Variants in CCDC18 observed in about 807,000 individuals in gnomAD.
CCDC18 encodes the protein coiled-coil domain containing 18, also known as coiled-coil domain-containing protein 18.
In CCDC18, 157 loss-of-function variants were observed where a neutral mutation model predicts 196.0. The ratio of observed to expected loss-of-function variants is 0.80; its 90% confidence interval spans 0.70 to 0.91. CCDC18 has a LOEUF of 0.91. Ranked by LOEUF, CCDC18 falls within the 40% of genes least tolerant of loss-of-function variation. The pLI, the probability that CCDC18 is intolerant of heterozygous loss-of-function variation, is 0.00. For missense variants in CCDC18, 1,465 were observed against 1,611.6 expected, an observed-to-expected ratio of 0.91 and a Z score of 1.56; for synonymous variants, 482 against 529.2, an observed-to-expected ratio of 0.91 and a Z score of 1.22.
At chr1:93,215,046 T>A in intron 12 of CCDC18, 80 bp downstream of exon 12, 1 of 891,768 alleles carries the variant, frequency 1.1e-6, no homozygotes. Flanking sequence ...TTATAAAAAT[T>A]ATATGTTTAC....
chr1:93,270,930 G>T (rs1665204068), intron 28 of CCDC18, 116 bp downstream of exon 28: 1 of 1,387,020 alleles, frequency 7.2e-7, no homozygotes, highest in South Asian at 1.9e-5. Context: ...GAAGAAGGAA[G>T]ATTTTACATT....
At chr1:93,180,008 T>C (rs146899580), upstream of CCDC18, 886 of 1,576,886 alleles carry the variant, frequency 5.6e-4, 3 homozygotes, top group African/African-American at 0.01. Flanking sequence ...GACAACGCAG[T>C]GCAGCTGGGT....
intron 19 of CCDC18, among the ~76,000 whole-genome samples, chr1:93,237,655 A>C (rs1660242426): frequency 6.6e-6 from 1 of 152,136 alleles, no homozygotes; most frequent in South Asian, 2.1e-4. Flanking sequence ...AGTATATACT[A>C]TACTTGGTGA....
intron 18 of CCDC18, 87 bp from the exon 19 acceptor site, chr1:93,236,161 C>T: frequency 9.4e-7 from 1 of 1,066,256 alleles, no homozygotes; most frequent in Non-Finnish European, 1.3e-6. Flanking sequence ...TTTTATGATA[C>T]ATCTTGAAAC....
At chr1:93,190,649 G>C (rs529939809) in intron 4 of CCDC18, 17 of 328,646 alleles carry the variant, frequency 5.2e-5, no homozygotes, top group South Asian at 3.1e-4. Context: ...CCCCCAAACA[G>C]TATCAGTATG....
intron 23 of CCDC18, among the ~76,000 whole-genome samples, chr1:93,250,524 TA>T (rs1365461936): frequency 6.6e-6 from 1 of 152,200 alleles, no homozygotes; most frequent in East Asian, 1.9e-4. Flanking sequence ...TTGATTTTTT[TA>T]ATCTGGACAA....
intron 17 of CCDC18, among the ~76,000 whole-genome samples, chr1:93,228,922 A>ATTT (rs144431280): frequency 6.7e-6 from 1 of 149,742 alleles, no homozygotes; most frequent in African/African-American, 2.5e-5. Flanking sequence ...AAATAGAACG[A>ATTT]TTTTTTTTTT....
Position 93,186,042 on chromosome 1 carries a change from T to A in CCDC18, c.304-303T>A, listed in dbSNP as rs1394843265. Among the ~76,000 whole-genome samples the A allele has an allele frequency of 5.3e-5, 8 of 152,056 alleles. No homozygotes were observed. In the East Asian group the frequency reaches 1.3e-3, roughly 26 times the overall value. ...ACGTGAAAAAGTACAAAAGTTTTTA[T>A]CAGGTTTATGTCTAGGGATGATATT... On this transcript the variant is annotated intron_variant, in intron 3 of 28. Transcript: ENST00000690025.
At chr1:93,268,464 A>G (rs1664815600) in intron 27 of CCDC18, among the ~76,000 whole-genome samples, 1 of 152,210 alleles carries the variant, frequency 6.6e-6, no homozygotes, top group Non-Finnish European at 1.5e-5. Flanking sequence ...CTGCACAGCA[A>G]AAGAAACTAC....
rs146615338 is a variant in CCDC18 at position 93,230,582 on chromosome 1, T to G, written c.2293-1844T>G. Among the ~76,000 whole-genome samples, 877 of 152,316 alleles carry G rather than the reference T, an allele frequency of 5.8e-3. 6 individuals carry two copies. Among genetic ancestry groups the G allele is most frequent in the Non-Finnish European group, 8.5e-3 (576 of 68,008 alleles). On this transcript the variant is annotated intron_variant, in intron 17 of 28. Coordinates refer to ENST00000690025, the MANE Select transcript of CCDC18 (RefSeq NM_001378204.1). Reference sequence around the variant, plus strand: ...AGTTTGATAGATATATGTTCTATTTTGTAAATATTTGTGATAACTAATTTT... The same window carrying G: ...AGTTTGATAGATATATGTTCTATTTGGTAAATATTTGTGATAACTAATTTT...
chr1:93,270,125 T>A (rs1290256120), intron 27 of CCDC18, among the ~76,000 whole-genome samples: 1 of 152,154 alleles, frequency 6.6e-6, no homozygotes, highest in African/African-American at 2.4e-5. Flanking sequence ...TTAATGGAAT[T>A]TCTTAGAATA....
At chr1:93,183,767 G>A (rs1650154438) in intron 2 of CCDC18, among the ~76,000 whole-genome samples, 1 of 151,502 alleles carries the variant, frequency 6.6e-6, no homozygotes, top group Admixed American at 6.6e-5. Context: ...TGAATCTTAA[G>A]TAATCTTAGC....
chr1:93,271,661 C>G (rs771090736), intron 28 of CCDC18: 64 of 476,522 alleles, frequency 1.3e-4, no homozygotes, highest in Non-Finnish European at 1.7e-4. Context: ...ATGGAGACCC[C>G]ATCTCAAAAA....
In CCDC18 at chr1:93,226,397, T is replaced by A. The variant is rs753560764; in HGVS notation, c.2240T>A (p.Leu747Ter). ...GAACTTGTCTTGCATTTGAATCAAT[T>A]GGAAGGAAATAAGGAAAAGTTTGAA... ...KEELVLHLNQ[L>*]EGNKEKFEKQ... The change falls in exon 17 of 29, where the codon TTG becomes TAG. Residue 747 changes from leucine to a stop codon, truncating the protein, a stop_gained. Transcript: ENST00000690025. LOFTEE classifies it high-confidence loss of function. 6.3e-7 allele frequency: 1 copy of A among 1,599,678 alleles called. No individual in the cohort carries two copies. The highest frequency in any genetic ancestry group is 1.1e-5 in the South Asian group (1 of 90,070).
At chr1:93,212,793 G>A (rs1655871828) in intron 11 of CCDC18, among the ~76,000 whole-genome samples, 1 of 152,140 alleles carries the variant, frequency 6.6e-6, no homozygotes, top group Non-Finnish European at 1.5e-5. Context: ...CAGGGACAGG[G>A]TCAGGGTTGG....
At chr1:93,236,853 AC>A in intron 19 of CCDC18, among the ~76,000 whole-genome samples, 1 of 152,332 alleles carries the variant, frequency 6.6e-6, no homozygotes, top group South Asian at 2.1e-4. Flanking sequence ...TTGTAAAAAA[AC>A]ATACTGATGA....
At chr1:93,198,021 G>T (rs1021238266) in intron 6 of CCDC18, among the ~76,000 whole-genome samples, 15 of 151,816 alleles carry the variant, frequency 9.9e-5, no homozygotes, top group Non-Finnish European at 1.8e-4. Flanking sequence ...AAAGTGCTGG[G>T]ATTACAGGTG....
In CCDC18 at chr1:93,270,428, A is replaced by G; in HGVS notation, c.3967A>G (p.Thr1323Ala). 1.3e-6 allele frequency: 2 copies of G among 1,550,418 alleles called. No homozygotes were observed. Among genetic ancestry groups the G allele is most frequent in the Non-Finnish European group, 1.7e-6 (2 of 1,146,862 alleles). Residue 1323 changes from threonine to alanine, a missense_variant, in exon 28 of 29, where the codon ACA becomes GCA. Physicochemically the swap from Thr to Ala is moderately conservative, Grantham distance 58 (BLOSUM62 0). Transcript: ENST00000690025. ...EDIKFLPAPF[T>A]SPTEIMPDVQ... ...CATCAAGTTTCTGCCAGCCCCATTT[A>G]CATCTCCAACAGAAATTATGCCTGA...
In CCDC18 at chr1:93,258,752, C is replaced by A; in HGVS notation, c.3551C>A (p.Ala1184Asp). 1 of 1,539,520 alleles carries A rather than the reference C, an allele frequency of 6.5e-7. No individual in the cohort carries two copies. Among genetic ancestry groups the A allele is most frequent in the Admixed American group, 2.2e-5 (1 of 46,028 alleles). ...DMKQLSKEKD[A>D]HGNHLAEELG... is the part of the protein sequence containing the mutation. ...ACTCAATATGTCATTTTTAAGGATG[C>A]TCATGGAAACCATTTAGCTGAAGAA... is the stretch of plus-strand genomic sequence containing the variant. Residue 1184 changes from alanine (A) to aspartate (D), a missense_variant, in exon 26 of 29, where the codon GCT becomes GAT. Transcript: ENST00000690025.
Sources: gnomAD v4.1 joint callset for allele counts (sites outside exome capture counted in the v4.1 genomes callset) on GRCh38, gnomAD v4.1.1 for gene constraint, MANE v1.5 for transcripts, NCBI Gene and HGNC (gene_info 2026-07-23, HGNC 2026-07-21) for gene names.